The following WWOX variants were observed in gnomAD, a reference collection of about 807,000 sequenced individuals.
The protein encoded by WWOX is WW domain-containing oxidoreductase.
Under a neutral mutation model 46.2 loss-of-function variants are expected in WWOX, and 69 were observed. The observed-to-expected ratio is 1.49, with a 90% CI of 1.23 to 1.82. WWOX has a LOEUF of 1.82. Ranked by LOEUF, WWOX falls within the 40% of genes most tolerant of loss-of-function variation. The pLI is 0.00. For missense variants in WWOX, 919 were observed against 542.6 expected, an observed-to-expected ratio of 1.69 and a Z score of -6.89; for synonymous variants, 359 against 202.6, an observed-to-expected ratio of 1.77 and a Z score of -6.56.
chr16:78,513,792 C>A (rs1283537372), intron 8 of WWOX, among the ~76,000 whole-genome samples: 1 of 152,176 alleles, frequency 6.6e-6, no homozygotes, highest in Non-Finnish European at 1.5e-5. Context: ...CTTACGTCAC[C>A]ACTTACCATC....
intron 8 of WWOX, among the ~76,000 whole-genome samples, chr16:78,853,006 G>A (rs12444620): frequency 0.23 from 35,615 of 151,996 alleles, 4,698 homozygotes; most frequent in South Asian, 0.35. Context: ...GATTTGCCCG[G>A]GGTCATACAG....
At chr16:78,186,422 T>C (rs761051746) in intron 5 of WWOX, among the ~76,000 whole-genome samples, 3 of 152,214 alleles carry the variant, frequency 2.0e-5, no homozygotes, top group Non-Finnish European at 4.4e-5. Context: ...GATCAATTGA[T>C]ATCCTTTGAC....
chr16:79,138,023 A>G (rs1399823490), intron 8 of WWOX, among the ~76,000 whole-genome samples: 1 of 152,226 alleles, frequency 6.6e-6, no homozygotes. Context: ...TGTTTTACCC[A>G]AACTGTTTCC....
intron 8 of WWOX, among the ~76,000 whole-genome samples, chr16:78,976,314 G>C (rs1488996714): frequency 6.6e-6 from 1 of 152,136 alleles, no homozygotes. Flanking sequence ...ACGTAGTTTT[G>C]AAATGAGAAC....
intron 5 of WWOX, among the ~76,000 whole-genome samples, chr16:78,234,246 C>G (rs1045068305): frequency 2.0e-5 from 3 of 152,180 alleles, no homozygotes; most frequent in African/African-American, 7.2e-5. Flanking sequence ...TCAAAATGCT[C>G]TAATCCCTAA....
At chr16:78,846,461 G>C (rs913219489) in intron 8 of WWOX, among the ~76,000 whole-genome samples, 22 of 152,018 alleles carry the variant, frequency 1.4e-4, no homozygotes, top group African/African-American at 4.8e-4. Context: ...AATTTTTGAA[G>C]AGTTCCGGTC....
At position 78,914,434 on chromosome 16, in the gene WWOX, G is replaced by C. The variant is rs376952473; in HGVS notation, c.1057-297174G>C. Among the ~76,000 whole-genome samples the C allele has an allele frequency of 2.6e-5, 4 of 152,030 alleles. No homozygotes were observed. In the South Asian group the frequency reaches 6.2e-4, roughly 24 times the overall value. Reference sequence around the variant, plus strand: ...TGAATGAGGGATTTGCAGCTTGAACGCTGTACTTTGAAACAGTTCCAGATT... The same window carrying C: ...TGAATGAGGGATTTGCAGCTTGAACCCTGTACTTTGAAACAGTTCCAGATT... On this transcript the variant is annotated intron_variant, in intron 8 of 8. Transcript: ENST00000566780.
intron 5 of WWOX, among the ~76,000 whole-genome samples, chr16:78,320,934 A>G (rs2080454422): frequency 6.6e-6 from 1 of 152,174 alleles, no homozygotes; most frequent in Non-Finnish European, 1.5e-5. Flanking sequence ...GCCAGACTGC[A>G]CAGGATTTTA....
At chr16:79,129,464 A>G (rs1441158947) in intron 8 of WWOX, among the ~76,000 whole-genome samples, 2 of 150,940 alleles carry the variant, frequency 1.3e-5, no homozygotes, top group East Asian at 1.9e-4. Context: ...GTTTATTAAT[A>G]AAGGAGTACA....
intron 8 of WWOX, among the ~76,000 whole-genome samples, chr16:78,458,255 A>T (rs1300038832): frequency 3.0e-5 from 3 of 100,866 alleles, no homozygotes; most frequent in Admixed American, 1.4e-4. Flanking sequence ...TTTCATTGGT[A>T]TAGTTTTTTT....
chr16:78,129,282 CAT>C (rs34996777), intron 4 of WWOX, among the ~76,000 whole-genome samples: 20,890 of 152,072 alleles, frequency 0.14, 1,692 homozygotes, highest in East Asian at 0.23. Flanking sequence ...CGAGTGTACA[CAT>C]GTTTGCATCT....
intron 8 of WWOX, among the ~76,000 whole-genome samples, chr16:78,988,622 A>T (rs191032269): frequency 4.6e-5 from 7 of 152,290 alleles, no homozygotes; most frequent in Non-Finnish European, 1.0e-4. Flanking sequence ...TAGAAACCAG[A>T]TGGCAAAAGG....
intron 8 of WWOX, among the ~76,000 whole-genome samples, chr16:79,065,545 A>G (rs2048425899): frequency 6.6e-6 from 1 of 152,114 alleles, no homozygotes; most frequent in Non-Finnish European, 1.5e-5. Context: ...AAGTCTGAAA[A>G]CCATTCCAAA....
At chr16:78,807,936 T>G (rs759868115) in intron 8 of WWOX, among the ~76,000 whole-genome samples, 8 of 152,214 alleles carry the variant, frequency 5.3e-5, no homozygotes, top group Non-Finnish European at 1.0e-4. Flanking sequence ...TACAGAACGT[T>G]TTCATTTCAT....
chr16:78,646,232 C>G (rs1163258169), intron 8 of WWOX, among the ~76,000 whole-genome samples: 2 of 152,070 alleles, frequency 1.3e-5, no homozygotes. Context: ...TATTGCCAGG[C>G]TGATCTCGGA....
intron 8 of WWOX, among the ~76,000 whole-genome samples, chr16:78,914,723 C>G (rs1021140001): frequency 6.7e-6 from 1 of 150,286 alleles, no homozygotes; most frequent in South Asian, 2.1e-4. Flanking sequence ...ACTAAAAATA[C>G]AAAAAATTAA....
At chr16:78,967,608 C>G (rs147978596) in intron 8 of WWOX, among the ~76,000 whole-genome samples, 2 of 151,768 alleles carry the variant, frequency 1.3e-5, no homozygotes, top group Non-Finnish European at 2.9e-5. Context: ...CCCAATACCC[C>G]CTATGTAGAC....
intron 5 of WWOX, among the ~76,000 whole-genome samples, chr16:78,370,225 C>T (rs1356906118): frequency 6.7e-6 from 1 of 149,530 alleles, no homozygotes; most frequent in Non-Finnish European, 1.5e-5. Context: ...ACTCTCTTTA[C>T]AATCTGGGGC....
chr16:78,343,324 G>T (rs983236549), intron 5 of WWOX, among the ~76,000 whole-genome samples: 1 of 120,768 alleles, frequency 8.3e-6, no homozygotes, highest in Non-Finnish European at 2.0e-5. Flanking sequence ...CACGTTCCTC[G>T]CCTACTTGCT....
Sources: gnomAD v4.1 joint callset for allele counts (sites outside exome capture counted in the v4.1 genomes callset) on GRCh38, gnomAD v4.1.1 for gene constraint, MANE v1.5 for transcripts, NCBI Gene and HGNC (gene_info 2026-07-23, HGNC 2026-07-21) for gene names.